ABCA10: variants seen among roughly 807,000 people sequenced by gnomAD.
The protein encoded by ABCA10 is ATP-binding cassette sub-family A member 10.
Under a neutral mutation model 187.5 loss-of-function variants are expected in ABCA10, and 169 were observed. The ratio of observed to expected loss-of-function variants is 0.90; its 90% CI spans 0.80 to 1.02. ABCA10 has a LOEUF of 1.02. ABCA10 is among the 50% of genes least tolerant of loss of function. The pLI is 0.00. For missense variants in ABCA10, 1,727 were observed against 1,812.4 expected, an observed-to-expected ratio of 0.95 and a Z score of 0.86; for synonymous variants, 574 against 601.8, an observed-to-expected ratio of 0.95 and a Z score of 0.68.
chr17:69,182,434 A>C, intron 21 of ABCA10, 144 bp from the exon 22 acceptor site: 1 of 967,558 alleles, frequency 1.0e-6, no homozygotes, highest in Admixed American at 3.6e-5. Flanking sequence ...TTGAATTGGT[A>C]CAAGAATGCA....
intron 10 of ABCA10, among the ~76,000 whole-genome samples, chr17:69,198,676 T>C (rs2074522923): frequency 1.3e-5 from 2 of 152,172 alleles, no homozygotes; most frequent in African/African-American, 4.8e-5. Flanking sequence ...TAACCTTCTC[T>C]CCTCTAACTC....
In ABCA10 at chr17:69,201,488, TTTC is replaced by T; in HGVS notation, c.1175+9_1175+11del. 6.4e-7 allele frequency: 1 copy of T among 1,559,564 alleles called. No individual in the cohort carries two copies. Among genetic ancestry groups the T allele is most frequent in the East Asian group, 2.3e-5 (1 of 43,872 alleles). On this transcript the variant is annotated intron_variant, in intron 10 of 38. Transcript: ENST00000690296. The stretch of plus-strand genomic sequence containing the variant: ...CCTATAAGTGTACATAGTCATGTAA[TTTC>T]TTAGTTACCTTATGGCTTCTTTTCC...
chr17:69,215,148 T>C (rs1197993466), intron 8 of ABCA10, among the ~76,000 whole-genome samples: 2 of 152,116 alleles, frequency 1.3e-5, no homozygotes, highest in Non-Finnish European at 2.9e-5. Flanking sequence ...AAATATAACA[T>C]ACTTTGGGAA....
At chr17:69,210,471 G>C (rs904263332) in intron 9 of ABCA10, among the ~76,000 whole-genome samples, 1 of 151,318 alleles carries the variant, frequency 6.6e-6, no homozygotes, top group African/African-American at 2.4e-5. Context: ...TTACAGGCGT[G>C]AGCCACCGCG....
intron 11 of ABCA10, among the ~76,000 whole-genome samples, chr17:69,194,767 TA>T (rs2074486049): frequency 6.6e-6 from 1 of 152,198 alleles, no homozygotes; most frequent in South Asian, 2.1e-4. Context: ...CACTTAATAT[TA>T]AATAATAAAA....
At chr17:69,193,691 T>G in intron 13 of ABCA10, 79 bp from the exon 14 acceptor site, 1 of 1,549,316 alleles carries the variant, frequency 6.5e-7, no homozygotes, top group Non-Finnish European at 8.7e-7. Flanking sequence ...TGAAAAGGAT[T>G]TAGTCTAGAA....
chr17:69,180,363 T>C (rs956390874), intron 22 of ABCA10, among the ~76,000 whole-genome samples: 1 of 152,152 alleles, frequency 6.6e-6, no homozygotes, highest in African/African-American at 2.4e-5. Flanking sequence ...AGTATAATTA[T>C]TACTTTCAAG....
rs1282386463 is a variant in ABCA10, at chr17:69,189,508, A to G, written c.2131+850T>C. 2.0e-5 allele frequency among the ~76,000 whole-genome samples: 3 copies of G among 152,110 alleles called. No individual in the cohort carries two copies. The East Asian group carries it at 5.8e-4, about 29-fold the overall frequency. On this transcript the variant is annotated intron_variant, in intron 18 of 38. Coordinates refer to ENST00000690296, the MANE Select transcript of ABCA10 (RefSeq NM_001377321.1). ...CTGTTGATAGTTTCTTTTGCTGTGC[A>G]GATGCTCTTTAGTTTAATTAGGTCT...
At chr17:69,179,701 T>C (rs1282704269) in intron 22 of ABCA10, among the ~76,000 whole-genome samples, 2 of 152,172 alleles carry the variant, frequency 1.3e-5, no homozygotes, top group African/African-American at 4.8e-5. Flanking sequence ...ATGAGCAGAA[T>C]TTCTTTATCT....
At chr17:69,162,922 TCCATCTCCTGGC>T (rs2074228982) in intron 27 of ABCA10, among the ~76,000 whole-genome samples, 1 of 151,432 alleles carries the variant, frequency 6.6e-6, no homozygotes, top group South Asian at 2.1e-4. Context: ...CACTGCAACC[TCCATCTCCTGGC>T]TCAATCGATT....
intron 18 of ABCA10, among the ~76,000 whole-genome samples, chr17:69,189,734 G>A (rs1568061690): frequency 6.6e-6 from 1 of 152,066 alleles, no homozygotes; most frequent in Non-Finnish European, 1.5e-5. Context: ...TCAATCTTCT[G>A]CCTGTGGCTA....
chr17:69,202,290 T>C (rs958038832), intron 9 of ABCA10, among the ~76,000 whole-genome samples: 9 of 152,230 alleles, frequency 5.9e-5, no homozygotes, highest in Non-Finnish European at 1.3e-4. Flanking sequence ...TGTAAGCTGA[T>C]CCTGCCATAG....
At chr17:69,210,845 C>CATATATATATATATAT (rs1568069877) in intron 9 of ABCA10, among the ~76,000 whole-genome samples, 1 of 13,240 alleles carries the variant, frequency 7.6e-5, no homozygotes, top group African/African-American at 4.2e-4. Flanking sequence ...ATATTTATGC[C>CATATATATATATATAT]ACATATATAT....
chr17:69,149,595 T>C (rs1460590197), intron 37 of ABCA10, among the ~76,000 whole-genome samples: 1 of 152,162 alleles, frequency 6.6e-6, no homozygotes, highest in East Asian at 1.9e-4. Flanking sequence ...GTACATTTGC[T>C]CCTGGTACCT....
At position 69,182,167 on chromosome 17, in the gene ABCA10, T is replaced by C. The variant is rs1165839712; in HGVS notation, c.2755A>G (p.Thr919Ala). The C allele has an allele frequency of 6.3e-7, 1 of 1,582,066 alleles. No homozygotes were observed. Among genetic ancestry groups the C allele is most frequent in the South Asian group, 1.2e-5 (1 of 85,752 alleles). ...NFTELIQMES[T>A]SFSRDDIVLD... is the part of the protein sequence containing the mutation. ...ACTCTACTTACACGAGAAAATGAAG[T>C]GCTCTCCATTTGAATAAGCTCCGTG... Residue 919 changes from threonine (T) to alanine (A), a missense_variant, in exon 22 of 39, where the codon ACT becomes GCT. Coordinates refer to ENST00000690296, the MANE Select transcript of ABCA10 (RefSeq NM_001377321.1).
Position 69,193,920 on chromosome 17 carries a change from C to A in ABCA10, c.1415G>T (p.Gly472Val). Residue 472 changes from glycine to valine, a missense_variant, in exon 13 of 39, where the codon GGA becomes GTA. Coordinates refer to ENST00000690296, the MANE Select transcript of ABCA10 (RefSeq NM_001377321.1). ...TTGAAAATTGAACTGTGGACAAAATCCAATATTCTTTCTAATTTCTTCCAT... is the reference window on the plus strand; with the variant it reads ...TTGAAAATTGAACTGTGGACAAAATACAATATTCTTTCTAATTTCTTCCAT... ...TDMEEIRKNI[G>V]FCPQFNFQFD... 1 of 1,612,554 alleles carries A rather than the reference C, an allele frequency of 6.2e-7. No individual in the cohort carries two copies. The highest frequency in any genetic ancestry group is 8.5e-7 in the Non-Finnish European group (1 of 1,178,896).
At chr17:69,191,057 T>C in intron 17 of ABCA10, 119 bp downstream of exon 17, 1 of 1,013,840 alleles carries the variant, frequency 9.9e-7, no homozygotes, top group Non-Finnish European at 1.3e-6. Flanking sequence ...ACAGATTACT[T>C]ATGAATAAAT....
At chr17:69,195,557 T>TTTTTTC (rs1555661353) in intron 11 of ABCA10, among the ~76,000 whole-genome samples, 7 of 142,362 alleles carry the variant, frequency 4.9e-5, no homozygotes, top group East Asian at 3.9e-4. Context: ...AGTTTTTCTT[T>TTTTTTC]TTTTTTTTTT....
chr17:69,189,240 T>C (rs1189185866), intron 18 of ABCA10, among the ~76,000 whole-genome samples: 2 of 152,212 alleles, frequency 1.3e-5, no homozygotes, highest in African/African-American at 2.4e-5. Context: ...TGGTGTGAGA[T>C]GGTATCTCGT....
Sources: allele counts gnomAD v4.1 joint callset (sites outside exome capture counted in the v4.1 genomes callset), GRCh38; gene constraint gnomAD v4.1.1; transcripts MANE v1.5; gene names NCBI Gene and HGNC (gene_info 2026-07-23, HGNC 2026-07-21).